The following SYT9 variants were observed in gnomAD, a reference collection of about 807,000 sequenced individuals.
The protein encoded by SYT9 is synaptotagmin 9.
Under a neutral mutation model 48.4 loss-of-function variants are expected in SYT9, and 22 were observed. The ratio of observed to expected loss-of-function variants is 0.45; its 90% CI spans 0.32 to 0.65. The LOEUF is 0.65. Among genes scored for constraint, SYT9 ranks in the 30% least tolerant of loss-of-function variants. SYT9 has a pLI of 0.03. For missense variants in SYT9, 577 were observed against 622.0 expected (o/e 0.93, Z 0.77); for synonymous variants, 265 against 245.0 (o/e 1.08, Z -0.76).
At chr11:7,463,255 G>A (rs185555457) in intron 6 of SYT9, among the ~76,000 whole-genome samples, 120 of 152,266 alleles carry the variant, frequency 7.9e-4, no homozygotes, top group African/African-American at 2.7e-3. Context: ...TTAAACCACC[G>A]TTACTGTCTC....
chr11:7,332,731 T>C (rs1341952805), intron 3 of SYT9, among the ~76,000 whole-genome samples: 2 of 152,226 alleles, frequency 1.3e-5, no homozygotes, highest in African/African-American at 2.4e-5. Flanking sequence ...AGGTGGACTT[T>C]TGCTGCATCC....
intron 3 of SYT9, among the ~76,000 whole-genome samples, chr11:7,394,152 C>G (rs1194820513): frequency 1.3e-5 from 2 of 151,708 alleles, no homozygotes; most frequent in Non-Finnish European, 2.9e-5. Context: ...TGATGTTCCC[C>G]TTCCTGTGTC....
chr11:7,456,566 G>A (rs1848153328), intron 6 of SYT9, among the ~76,000 whole-genome samples: 1 of 152,258 alleles, frequency 6.6e-6, no homozygotes. Context: ...CTGAAATCAA[G>A]TTCACAGGTG....
chr11:7,357,396 A>G (rs1040487555), intron 3 of SYT9, among the ~76,000 whole-genome samples: 1 of 152,298 alleles, frequency 6.6e-6, no homozygotes, highest in Non-Finnish European at 1.5e-5. Flanking sequence ...CAAATAAAGC[A>G]TAAGACAAAA....
At position 7,468,247 on chromosome 11, in the gene SYT9, G is replaced by A. The variant is rs1848365517; in HGVS notation, c.*1447G>A. ...CATTTCAGCATGGAACTAACTGGGC[G>A]GAGGAAGGATCGTTATACGTCTTCA... On this transcript the variant is annotated 3_prime_UTR_variant, in exon 7 of 7. Transcript: ENST00000318881. 1.5e-5 allele frequency: 6 copies of A among 398,494 alleles called. No homozygotes were observed. Among genetic ancestry groups the A allele is most frequent in the South Asian group, 2.5e-4 (2 of 7,864 alleles). 24.7% of individuals were successfully genotyped at this position (398,494 alleles called of 1,614,324 possible).
intron 3 of SYT9, among the ~76,000 whole-genome samples, chr11:7,345,781 A>G (rs972169953): frequency 2.0e-5 from 3 of 152,240 alleles, no homozygotes; most frequent in African/African-American, 7.2e-5. Context: ...TATTTGAAAA[A>G]TAGATGTTGA....
intron 3 of SYT9, among the ~76,000 whole-genome samples, chr11:7,379,044 G>C (rs1188252236): frequency 1.3e-5 from 2 of 151,838 alleles, no homozygotes; most frequent in Non-Finnish European, 2.9e-5. Context: ...GTTACTTTTG[G>C]GTTTTTTCTT....
chr11:7,307,703 G>C (rs965719520), intron 2 of SYT9, among the ~76,000 whole-genome samples: 31 of 152,222 alleles, frequency 2.0e-4, no homozygotes, highest in Admixed American at 2.0e-3. Context: ...GCATGGGACA[G>C]TGGTGAAGAT....
At position 7,463,382 on chromosome 11, in the gene SYT9, G is replaced by A. The variant is rs182292399; in HGVS notation, c.1468-3410G>A. On this transcript the variant is annotated intron_variant, in intron 6 of 6. Coordinates refer to ENST00000318881, the MANE Select transcript of SYT9 (RefSeq NM_175733.4). ...TCACATTTTGTTTTATACAATTTTT[G>A]GCTGAAAAACAGCTCACTAGGTTAT... Among the ~76,000 whole-genome samples, 75 of 152,184 alleles carry A rather than the reference G, an allele frequency of 4.9e-4. 1 individual carries two copies. The highest frequency in any genetic ancestry group is 4.8e-3 in the Admixed American group (74 of 15,292).
rs559701657 is a variant in SYT9 at position 7,242,724 on chromosome 11, G to C, written c.49+3808G>C. Among the ~76,000 whole-genome samples the C allele has an allele frequency of 2.6e-5, 4 of 152,188 alleles. No homozygotes were observed. In the South Asian group the frequency reaches 8.3e-4, roughly 32 times the overall value. ...GGTAGATTAGAGGTGGGAAAAAAAG[G>C]TCAAGAAAATTTGTAATGGAGATAA... On this transcript the variant is annotated intron_variant and NMD_transcript_variant, in intron 1 of 8. Transcript: ENST00000524820.
At chr11:7,348,246 C>CA (rs1849838975) in intron 3 of SYT9, among the ~76,000 whole-genome samples, 1 of 152,134 alleles carries the variant, frequency 6.6e-6, no homozygotes, top group Non-Finnish European at 1.5e-5. Context: ...GTCCCTGTAC[C>CA]AACTCTACCC....
chr11:7,350,700 C>T (rs765606581), intron 3 of SYT9, among the ~76,000 whole-genome samples: 1 of 152,192 alleles, frequency 6.6e-6, no homozygotes, highest in Non-Finnish European at 1.5e-5. Context: ...ACTGCCACAG[C>T]TCCTTCTTTG....
intron 3 of SYT9, among the ~76,000 whole-genome samples, chr11:7,383,302 G>GT (rs1341712953): frequency 6.6e-6 from 1 of 152,164 alleles, no homozygotes; most frequent in African/African-American, 2.4e-5. Context: ...AAGAGGCTCT[G>GT]TAAGTACAGG....
In SYT9 at chr11:7,396,890, T is replaced by G. The variant is rs188748011; in HGVS notation, c.1045-19152T>G. Among the ~76,000 whole-genome samples, 14 of 152,314 alleles carry G rather than the reference T, an allele frequency of 9.2e-5. 1 individual carries two copies. The East Asian group carries it at 2.7e-3, about 29-fold the overall frequency. On this transcript the variant is annotated intron_variant, in intron 3 of 6. Coordinates refer to ENST00000318881, the MANE Select transcript of SYT9 (RefSeq NM_175733.4). Reference sequence around the variant, plus strand: ...TCTGAAATATATGACTTCTATATATTTATACATACAGTCTTTTATTGGCTT... The same window carrying G: ...TCTGAAATATATGACTTCTATATATGTATACATACAGTCTTTTATTGGCTT...
At chr11:7,299,901 A>G (rs2133932368) in intron 1 of SYT9, among the ~76,000 whole-genome samples, 1 of 152,268 alleles carries the variant, frequency 6.6e-6, no homozygotes, top group African/African-American at 2.4e-5. Flanking sequence ...TTAGCATGCT[A>G]TCTATGCCAA....
chr11:7,427,807 G>A (rs1222767979), intron 6 of SYT9: 1 of 152,226 alleles, frequency 6.6e-6, no homozygotes, highest in African/African-American at 2.4e-5. Context: ...GGCCGCTGAA[G>A]CAAAACTGAT....
intron 6 of SYT9, chr11:7,457,120 T>A (rs12274761): frequency 0.3 from 45,911 of 152,152 alleles, 8,171 homozygotes; most frequent in African/African-American, 0.48. Context: ...CCACACCTAA[T>A]GGCTGGTGGT....
At chr11:7,330,160 G>T (rs1410677808) in intron 3 of SYT9, among the ~76,000 whole-genome samples, 2 of 152,078 alleles carry the variant, frequency 1.3e-5, no homozygotes, top group African/African-American at 2.4e-5. Flanking sequence ...GTCCTCCAAT[G>T]GGTAAAACAA....
intron 1 of SYT9, among the ~76,000 whole-genome samples, chr11:7,263,282 C>T (rs1430838677): frequency 6.6e-6 from 1 of 152,222 alleles, no homozygotes; most frequent in South Asian, 2.1e-4. Context: ...CAGGTGAGGG[C>T]GTGTTCCTCA....
Sources: allele counts gnomAD v4.1 joint callset (sites outside exome capture counted in the v4.1 genomes callset), GRCh38; gene constraint gnomAD v4.1.1; transcripts MANE v1.5; gene names NCBI Gene and HGNC (gene_info 2026-07-23, HGNC 2026-07-21).